TMEM108: variants seen among roughly 807,000 people sequenced by gnomAD.
The protein encoded by TMEM108 is cancer/testis antigen 124.
In TMEM108, 12 loss-of-function variants were observed where a neutral mutation model predicts 35.1. That is an observed-to-expected ratio of 0.34 (90% CI 0.22 to 0.55). TMEM108 has a LOEUF of 0.55. Among genes scored for constraint, TMEM108 ranks in the 20% least tolerant of loss-of-function variants. The probability of loss-of-function intolerance (pLI) is 0.89; values close to 1 mark genes in which losing one functional copy is unlikely to be tolerated. For missense variants in TMEM108, 680 were observed against 753.3 expected, an observed-to-expected ratio of 0.90 and a Z score of 1.14; for synonymous variants, 287 against 308.6, an observed-to-expected ratio of 0.93 and a Z score of 0.73.
At chr3:133,115,279 G>A (rs1944272442) in intron 2 of TMEM108, among the ~76,000 whole-genome samples, 1 of 152,146 alleles carries the variant, frequency 6.6e-6, no homozygotes, top group Non-Finnish European at 1.5e-5. Context: ...TGTTTACAGT[G>A]TCATTTAGCA....
intron 3 of TMEM108, among the ~76,000 whole-genome samples, chr3:133,260,164 A>AT (rs200197235): frequency 0.01 from 1,578 of 152,014 alleles, 25 homozygotes; most frequent in African/African-American, 0.035. Flanking sequence ...TCTTCTTTTC[A>AT]TTTTTTCACT....
intron 1 of TMEM108, among the ~76,000 whole-genome samples, chr3:133,038,934 G>T (rs938418835): frequency 2.0e-5 from 3 of 152,080 alleles, no homozygotes; most frequent in Admixed American, 2.0e-4. Flanking sequence ...TGTGCGAAGA[G>T]CCCTCCTGCC....
chr3:133,282,959 C>G (rs1034052100), intron 3 of TMEM108, among the ~76,000 whole-genome samples: 1 of 152,150 alleles, frequency 6.6e-6, no homozygotes. Flanking sequence ...CATGGTGTTA[C>G]TTGTGTGAAG....
chr3:133,303,248 A>G (rs1947256200), intron 3 of TMEM108: 1 of 152,118 alleles, frequency 6.6e-6, no homozygotes, highest in Non-Finnish European at 1.5e-5. Context: ...AGTAACCACC[A>G]TTTTTTGAGT....
At chr3:133,301,977 A>T (rs1384755640) in intron 3 of TMEM108, among the ~76,000 whole-genome samples, 1 of 152,168 alleles carries the variant, frequency 6.6e-6, no homozygotes, top group Non-Finnish European at 1.5e-5. Context: ...CCTCTGATGT[A>T]ATGGATGACC....
chr3:133,097,982 C>T (rs980261505), intron 2 of TMEM108, among the ~76,000 whole-genome samples: 6 of 152,082 alleles, frequency 3.9e-5, no homozygotes, highest in Admixed American at 6.6e-5. Context: ...CCTTGTGAGG[C>T]GGTATTACAA....
chr3:133,307,146 G>A (rs2071053851), intron 3 of TMEM108, among the ~76,000 whole-genome samples: 1 of 152,134 alleles, frequency 6.6e-6, no homozygotes, highest in African/African-American at 2.4e-5. Flanking sequence ...TTTCTCATGT[G>A]TCTGTTTGTT....
chr3:133,278,757 A>G (rs1184189040), intron 3 of TMEM108, among the ~76,000 whole-genome samples: 1 of 152,222 alleles, frequency 6.6e-6, no homozygotes, highest in Non-Finnish European at 1.5e-5. Flanking sequence ...ACGTGACTAT[A>G]CATGGAGACA....
At chr3:133,224,465 T>G (rs1946038366) in intron 2 of TMEM108, among the ~76,000 whole-genome samples, 1 of 152,202 alleles carries the variant, frequency 6.6e-6, no homozygotes, top group Non-Finnish European at 1.5e-5. Flanking sequence ...AAATCTCATC[T>G]TAAATTGTAG....
chr3:133,152,535 A>C (rs1036824356), intron 2 of TMEM108, among the ~76,000 whole-genome samples: 5 of 152,138 alleles, frequency 3.3e-5, no homozygotes, highest in Admixed American at 6.6e-5. Context: ...TATTTGGGTT[A>C]TGCCTTTGTC....
chr3:133,327,145 C>T (rs1399753435), intron 3 of TMEM108, among the ~76,000 whole-genome samples: 2 of 152,114 alleles, frequency 1.3e-5, no homozygotes, highest in African/African-American at 4.8e-5. Context: ...AGTGGACAAA[C>T]ATGTCCCTGC....
chr3:133,270,794 TACACACACAC>T lies in TMEM108; in HGVS notation c.40+41460_40+41469del, dbSNP rs71624011. Reference sequence around the variant, plus strand: ...TATAAGACTGCCTGTTCGAAGAATGTACACACACACACACACACACACACACTCACACACT... The same window carrying T: ...TATAAGACTGCCTGTTCGAAGAATGTACACACACACACACACTCACACACT... On this transcript the variant is annotated intron_variant, in intron 3 of 5. Coordinates refer to ENST00000321871, the MANE Select transcript of TMEM108 (RefSeq NM_023943.4). Among the ~76,000 whole-genome samples the T allele has an allele frequency of 9.4e-5, 14 of 148,680 alleles. No individual in the cohort carries two copies. In the South Asian group the frequency reaches 1.3e-3, roughly 14 times the overall value.
At chr3:133,172,735 C>A (rs1040643043) in intron 2 of TMEM108, among the ~76,000 whole-genome samples, 9 of 152,168 alleles carry the variant, frequency 5.9e-5, no homozygotes, top group African/African-American at 2.2e-4. Flanking sequence ...TTATTTTTAT[C>A]TATTACCAAT....
intron 3 of TMEM108, among the ~76,000 whole-genome samples, chr3:133,280,640 C>A (rs1946899931): frequency 6.6e-6 from 1 of 152,178 alleles, no homozygotes; most frequent in Non-Finnish European, 1.5e-5. Flanking sequence ...TCCTACATAA[C>A]AATGCCCCCA....
At chr3:133,345,023 A>C (rs2670173) in intron 3 of TMEM108, among the ~76,000 whole-genome samples, 17,902 of 151,888 alleles carry the variant, frequency 0.12, 1,465 homozygotes, top group East Asian at 0.38. Flanking sequence ...TTCAGATGAT[A>C]TATAAAGAGG....
intron 3 of TMEM108, among the ~76,000 whole-genome samples, chr3:133,240,018 A>G (rs1946291302): frequency 6.6e-6 from 1 of 152,232 alleles, no homozygotes; most frequent in Admixed American, 6.5e-5. Flanking sequence ...GGCTAGGGTT[A>G]TAAAGCAAAA....
At chr3:133,290,261 A>G (rs1440014746) in intron 3 of TMEM108, among the ~76,000 whole-genome samples, 2 of 152,198 alleles carry the variant, frequency 1.3e-5, no homozygotes, top group African/African-American at 4.8e-5. Context: ...AGAACTATCA[A>G]CCACTTAGCT....
At chr3:133,227,327 GGGACTAC>G (rs1309094171) in intron 2 of TMEM108, among the ~76,000 whole-genome samples, 2 of 150,442 alleles carry the variant, frequency 1.3e-5, no homozygotes, top group African/African-American at 4.9e-5. Flanking sequence ...CCAAGTAGCT[GGGACTAC>G]AGGCGCCCAC....
At position 133,386,677 on chromosome 3, in the gene TMEM108, C is replaced by G. The variant is rs555814585; in HGVS notation, c.1451-3503C>G. 8.6e-6 allele frequency: 12 copies of G among 1,398,396 alleles called. No homozygotes were observed. The South Asian group carries it at 1.9e-4, about 23-fold the overall frequency. The allele number at this position is 1,398,396 out of a possible 1,614,324, so 86.6% of individuals were successfully genotyped here. On this transcript the variant is annotated intron_variant, in intron 4 of 5. Transcript: ENST00000321871. ...CTCAGGAGAAACAGAGCAGTTGAAG[C>G]TTTTCAACTAAATGGGAAAGGGAAC...
Sources: allele counts gnomAD v4.1 joint callset (sites outside exome capture counted in the v4.1 genomes callset), GRCh38; gene constraint gnomAD v4.1.1; transcripts MANE v1.5; gene names NCBI Gene and HGNC (gene_info 2026-07-23, HGNC 2026-07-21).